The following DOCK4 variants were observed in gnomAD, a reference collection of about 807,000 sequenced individuals.
The protein encoded by DOCK4 is dedicator of cytokinesis protein 4.
DOCK4 carries 97 observed loss-of-function variants against 268.1 expected under a neutral mutation model. The ratio of observed to expected loss-of-function variants is 0.36; its 90% CI spans 0.31 to 0.43. The LOEUF (loss-of-function observed/expected upper bound fraction) is 0.43. DOCK4 is among the 20% of genes least tolerant of loss of function. The pLI is 1.00. For missense variants in DOCK4, 2,145 were observed against 2,455.7 expected (o/e 0.87, Z 2.67); for synonymous variants, 954 against 887.2 (o/e 1.08, Z -1.34).
At chr7:111,976,196 ACACG>A (rs1243212493) in intron 8 of DOCK4, among the ~76,000 whole-genome samples, 2 of 89,382 alleles carry the variant, frequency 2.2e-5, no homozygotes, top group African/African-American at 1.2e-4. Context: ...ACACACGCAC[ACACG>A]CACATATGTG....
intron 32 of DOCK4, among the ~76,000 whole-genome samples, chr7:111,784,956 T>C (rs772924455): frequency 3.3e-4 from 50 of 152,344 alleles, no homozygotes; most frequent in Non-Finnish European, 5.6e-4. Context: ...ATATATGTAC[T>C]TAGTTCAAAA....
chr7:111,948,133 A>G (rs555308285), intron 8 of DOCK4, among the ~76,000 whole-genome samples: 1 of 152,340 alleles, frequency 6.6e-6, no homozygotes, highest in Admixed American at 6.5e-5. Flanking sequence ...TTGGGAATTT[A>G]CCATTTGACA....
chr7:111,889,925 C>T (rs1039332259), intron 16 of DOCK4, among the ~76,000 whole-genome samples: 1 of 152,216 alleles, frequency 6.6e-6, no homozygotes, highest in Non-Finnish European at 1.5e-5. Flanking sequence ...TTGAGTTGGG[C>T]ACTTCTGCCA....
intron 25 of DOCK4, among the ~76,000 whole-genome samples, chr7:111,840,118 G>A (rs1170681465): frequency 2.0e-5 from 3 of 152,186 alleles, no homozygotes; most frequent in Non-Finnish European, 4.4e-5. Context: ...TTTATGTATA[G>A]ATTGAGTATA....
intron 1 of DOCK4, among the ~76,000 whole-genome samples, chr7:112,046,406 A>G (rs1011851305): frequency 5.9e-5 from 9 of 152,232 alleles, no homozygotes; most frequent in Non-Finnish European, 1.2e-4. Flanking sequence ...GTCAGTAATA[A>G]AAAAGTAAAA....
intron 1 of DOCK4, among the ~76,000 whole-genome samples, chr7:112,114,500 T>A (rs890376700): frequency 4.6e-5 from 7 of 152,242 alleles, no homozygotes; most frequent in Non-Finnish European, 8.8e-5. Flanking sequence ...TGAGTAACTA[T>A]TGTGTGTCAG....
chr7:112,090,289 T>G (rs564004749), intron 1 of DOCK4, among the ~76,000 whole-genome samples: 18 of 152,290 alleles, frequency 1.2e-4, no homozygotes, highest in Admixed American at 9.8e-4. Context: ...TGATTCTAAT[T>G]ATATTTTGAG....
At position 111,977,252 on chromosome 7, in the gene DOCK4, G is replaced by A. The variant is rs201242965; in HGVS notation, c.581C>T (p.Pro194Leu). 308 of 1,606,648 alleles carry A rather than the reference G, an allele frequency of 1.9e-4. No homozygotes were observed. In the Middle Eastern group the frequency reaches 2.0e-3, roughly 10 times the overall value. Residue 194 changes from proline to leucine, a missense_variant, in exon 8 of 53, where the codon CCG becomes CTG. By Grantham distance (98) the Pro-to-Leu change is moderately conservative. This residue lies in a region of DOCK4 where 1,598 missense variants were observed against 1,986.7 expected (regional missense o/e 0.80). Coordinates refer to ENST00000428084, the MANE Select transcript of DOCK4 (RefSeq NM_001363540.2). Reference protein sequence around the residue: ...MEHRHRKKDTPVQASSHHLFV... With the variant: ...MEHRHRKKDTLVQASSHHLFV... Reference sequence around the variant, plus strand: ...GAGGTGGTGACTGCTGGCCTGCACCGGGGTGTCTTTCTTCCGATGTCGATG... The same window carrying A: ...GAGGTGGTGACTGCTGGCCTGCACCAGGGTGTCTTTCTTCCGATGTCGATG...
At chr7:111,858,974 A>C (rs1805258124) in intron 23 of DOCK4, among the ~76,000 whole-genome samples, 1 of 152,156 alleles carries the variant, frequency 6.6e-6, no homozygotes, top group Admixed American at 6.5e-5. Context: ...AGGTCTGAAA[A>C]GGTTTTGAAA....
chr7:111,831,848 T>G (rs1802836460), intron 26 of DOCK4, among the ~76,000 whole-genome samples: 1 of 152,094 alleles, frequency 6.6e-6, no homozygotes, highest in Non-Finnish European at 1.5e-5. Flanking sequence ...AGATCTTATC[T>G]CTCCCTTCTT....
At chr7:112,131,988 C>T (rs35846) in intron 1 of DOCK4, among the ~76,000 whole-genome samples, 110,051 of 152,082 alleles carry the variant, frequency 0.72, 42,542 homozygotes, top group Non-Finnish European at 0.85. Context: ...TCCCTTCATA[C>T]AAGCATCATC....
At chr7:111,792,415 C>T (rs903933588) in intron 30 of DOCK4, among the ~76,000 whole-genome samples, 18 of 152,156 alleles carry the variant, frequency 1.2e-4, no homozygotes, top group Non-Finnish European at 2.5e-4. Flanking sequence ...CAGAGTCTCA[C>T]TCTGTCGCCC....
At chr7:111,939,477 T>G (rs1257896700) in intron 11 of DOCK4, among the ~76,000 whole-genome samples, 1 of 144,798 alleles carries the variant, frequency 6.9e-6, no homozygotes, top group Admixed American at 7.2e-5. Context: ...ATCACACCAC[T>G]GCACTCCAGC....
intron 1 of DOCK4, among the ~76,000 whole-genome samples, chr7:112,128,641 G>A (rs1202192701): frequency 6.6e-6 from 1 of 152,168 alleles, no homozygotes; most frequent in African/African-American, 2.4e-5. Context: ...TCTGAAACAT[G>A]TCCTCTGTCC....
intron 2 of DOCK4, among the ~76,000 whole-genome samples, chr7:112,001,240 C>A (rs764127118): frequency 2.6e-5 from 4 of 152,180 alleles, no homozygotes; most frequent in Non-Finnish European, 4.4e-5. Context: ...GTTTCAGTTA[C>A]TCATGGTCAA....
At chr7:112,143,607 A>G (rs534690926) in intron 1 of DOCK4, among the ~76,000 whole-genome samples, 2 of 152,316 alleles carry the variant, frequency 1.3e-5, no homozygotes, top group South Asian at 2.1e-4. Context: ...CTCTCCAACT[A>G]TAAGGAATGG....
intron 30 of DOCK4, among the ~76,000 whole-genome samples, chr7:111,797,557 C>A (rs953915187): frequency 1.5e-4 from 23 of 151,960 alleles, no homozygotes; most frequent in African/African-American, 5.6e-4. Flanking sequence ...CTATAATACA[C>A]CAAAAGGGAA....
At chr7:111,852,234 G>A (rs1486546281) in intron 23 of DOCK4, among the ~76,000 whole-genome samples, 1 of 152,140 alleles carries the variant, frequency 6.6e-6, no homozygotes, top group African/African-American at 2.4e-5. Context: ...AAAGTGCTAG[G>A]ATTACAGGCG....
chr7:112,000,630 C>A, intron 2 of DOCK4, 96 bp from the exon 3 acceptor site: 1 of 934,866 alleles, frequency 1.1e-6, no homozygotes, highest in South Asian at 2.4e-5. Flanking sequence ...GGAATTTTAC[C>A]ATACATGAAA....
Sources: allele counts gnomAD v4.1 joint callset (sites outside exome capture counted in the v4.1 genomes callset), GRCh38; gene constraint gnomAD v4.1.1; regional missense constraint gnomAD v4.1.1; transcripts MANE v1.5; gene names NCBI Gene and HGNC (gene_info 2026-07-23, HGNC 2026-07-21).